Variants in AOAH observed in about 807,000 individuals in gnomAD.
AOAH encodes the protein acyloxyacyl hydrolase (neutrophil).
A neutral mutation model predicts 92.2 loss-of-function variants in AOAH; 64 were observed. That is an observed-to-expected ratio of 0.69 (90% CI 0.57 to 0.86). The LOEUF is 0.86. Among genes scored for constraint, AOAH ranks in the 40% least tolerant of loss-of-function variants. The pLI, the probability that AOAH is intolerant of heterozygous loss-of-function variation, is 0.00. For synonymous variants in AOAH, 263 were observed against 254.5 expected, an observed-to-expected ratio of 1.03 and a Z score of -0.32; for missense variants, 656 against 694.6, an observed-to-expected ratio of 0.94 and a Z score of 0.62.
intron 3 of AOAH, among the ~76,000 whole-genome samples, chr7:36,670,612 C>T (rs1795853656): frequency 6.6e-6 from 1 of 152,098 alleles, no homozygotes; most frequent in Non-Finnish European, 1.5e-5. Flanking sequence ...GTAGCTGGGA[C>T]TACAGGCGCG....
intron 19 of AOAH, 115 bp downstream of exon 19, chr7:36,530,303 A>T: frequency 1.4e-6 from 1 of 705,140 alleles, no homozygotes; most frequent in Non-Finnish European, 2.5e-6. Flanking sequence ...AATAGGCAGG[A>T]GTAACCCTGC....
At chr7:36,542,569 C>T (rs150320059) in intron 15 of AOAH, among the ~76,000 whole-genome samples, 62 of 152,216 alleles carry the variant, frequency 4.1e-4, no homozygotes, top group African/African-American at 1.4e-3. Context: ...ACTGCCTTTT[C>T]GGAGGGCAAT....
At chr7:36,622,194 AAT>A (rs1443075882) in intron 7 of AOAH, among the ~76,000 whole-genome samples, 2 of 152,208 alleles carry the variant, frequency 1.3e-5, no homozygotes, top group African/African-American at 2.4e-5. Flanking sequence ...TGTTTGTGTG[AAT>A]ATGTGTTTGC....
chr7:36,517,156 G>GTCTTTTTCTTTCTT (rs1554360833), intron 20 of AOAH, among the ~76,000 whole-genome samples: 73 of 95,500 alleles, frequency 7.6e-4, no homozygotes, highest in Non-Finnish European at 1.2e-3. Flanking sequence ...ATCCATGTTA[G>GTCTTTTTCTTTCTT]TCTTTCTTTC....
At chr7:36,532,082 ACT>A in intron 18 of AOAH, 63 bp downstream of exon 18, 2 of 1,583,066 alleles carry the variant, frequency 1.3e-6, no homozygotes. Context: ...CCCAGTGAAA[ACT>A]CTGCAGCAAA....
intron 2 of AOAH, among the ~76,000 whole-genome samples, chr7:36,675,790 A>C (rs1349307856): frequency 6.6e-6 from 1 of 152,220 alleles, no homozygotes; most frequent in Non-Finnish European, 1.5e-5. Context: ...ATTATACACC[A>C]TGATCAGGTG....
intron 2 of AOAH, among the ~76,000 whole-genome samples, chr7:36,674,279 A>T (rs976143014): frequency 7.9e-5 from 12 of 152,160 alleles, no homozygotes; most frequent in African/African-American, 2.4e-4. Flanking sequence ...CTTTTCGTTC[A>T]TTCTTTCTTT....
At position 36,724,046 on chromosome 7, in the gene AOAH, G is replaced by T. The variant is rs1358194611; in HGVS notation, c.103C>A (p.Leu35Ile). 2 of 1,613,700 alleles carry T rather than the reference G, an allele frequency of 1.2e-6. No homozygotes were observed. Among genetic ancestry groups the T allele is most frequent in the Admixed American group, 1.7e-5 (1 of 59,988 alleles). The change falls in exon 1 of 21, where the codon CTC (leucine) becomes ATC (isoleucine). Residue 35 changes from leucine to isoleucine, a missense_variant. Physicochemically the swap from Leu to Ile is conservative, Grantham distance 5. Transcript: ENST00000617537. Reference protein sequence around the residue: ...PANDDQSRPSLSNGHTCVGCV... With the variant: ...PANDDQSRPSISNGHTCVGCV... ...CCTACACAGGTGTGCCCATTCGAGA[G>T]GCTGGGCCTGGACTGGTCATCGTTG...
intron 1 of AOAH, among the ~76,000 whole-genome samples, chr7:36,689,181 A>C (rs958810492): frequency 6.6e-6 from 1 of 151,620 alleles, no homozygotes; most frequent in East Asian, 1.9e-4. Context: ...ACATGGCTCC[A>C]CTCCTTATTC....
At chr7:36,642,710 G>A (rs1028249601) in intron 4 of AOAH, among the ~76,000 whole-genome samples, 6 of 152,204 alleles carry the variant, frequency 3.9e-5, no homozygotes, top group African/African-American at 9.6e-5. Context: ...TCTGCCAGGC[G>A]TAAGCCACAT....
chr7:36,695,348 T>C (rs7455473), intron 1 of AOAH, among the ~76,000 whole-genome samples: 2,603 of 152,304 alleles, frequency 0.017, 80 homozygotes, highest in African/African-American at 0.06. Flanking sequence ...ATTAAATATG[T>C]TTCTTAATAG....
At chr7:36,571,098 CA>C (rs1415786963) in intron 13 of AOAH, among the ~76,000 whole-genome samples, 1 of 152,116 alleles carries the variant, frequency 6.6e-6, no homozygotes, top group Non-Finnish European at 1.5e-5. Context: ...GGCATGAGAT[CA>C]CACAGGACAG....
intron 13 of AOAH, among the ~76,000 whole-genome samples, chr7:36,573,701 G>A (rs905056146): frequency 1.2e-4 from 19 of 152,126 alleles, no homozygotes; most frequent in African/African-American, 4.6e-4. Flanking sequence ...CTGGGCGACA[G>A]AGCGAGACTC....
intron 6 of AOAH, among the ~76,000 whole-genome samples, chr7:36,630,619 A>G (rs1430014953): frequency 6.6e-6 from 1 of 152,138 alleles, no homozygotes; most frequent in Non-Finnish European, 1.5e-5. Flanking sequence ...GCACTCCCCC[A>G]CCAGGTTTGG....
chr7:36,524,751 TA>T (rs1441809901), intron 19 of AOAH, among the ~76,000 whole-genome samples: 2 of 151,338 alleles, frequency 1.3e-5, no homozygotes, highest in Non-Finnish European at 2.9e-5. Flanking sequence ...TTTTTTTTTT[TA>T]AACCATGTGA....
chr7:36,658,629 A>T (rs1584049876), intron 4 of AOAH, among the ~76,000 whole-genome samples: 1 of 152,184 alleles, frequency 6.6e-6, no homozygotes, highest in East Asian at 1.9e-4. Context: ...CACTTTAAAA[A>T]CTGTATCAGT....
chr7:36,720,931 T>C (rs1257538737), intron 1 of AOAH, among the ~76,000 whole-genome samples: 2 of 152,216 alleles, frequency 1.3e-5, no homozygotes, highest in Non-Finnish European at 2.9e-5. Flanking sequence ...GCAACAAATG[T>C]AGAGTTAGAA....
intron 5 of AOAH, among the ~76,000 whole-genome samples, chr7:36,637,457 G>C (rs1793598252): frequency 6.6e-6 from 1 of 152,120 alleles, no homozygotes; most frequent in South Asian, 2.1e-4. Flanking sequence ...GTTCTCAACT[G>C]GGGGTGATTT....
At chr7:36,515,272 AC>A (rs1783548673) in intron 20 of AOAH, among the ~76,000 whole-genome samples, 1 of 78,606 alleles carries the variant, frequency 1.3e-5, no homozygotes, top group Admixed American at 1.7e-4. Context: ...CATCACACAC[AC>A]CCCCACACTA....
Sources: gnomAD v4.1 joint callset for allele counts (sites outside exome capture counted in the v4.1 genomes callset) on GRCh38, gnomAD v4.1.1 for gene constraint, MANE v1.5 for transcripts, NCBI Gene and HGNC (gene_info 2026-07-23, HGNC 2026-07-21) for gene names.